The following PRKCZ variants were observed in gnomAD, a reference collection of about 807,000 sequenced individuals.
PRKCZ encodes protein kinase C zeta type.
PRKCZ carries 33 observed loss-of-function variants against 79.5 expected under a neutral mutation model. The observed-to-expected ratio is 0.41, with a 90% CI of 0.31 to 0.55. The LOEUF (loss-of-function observed/expected upper bound fraction) is 0.55, where lower values mean the gene tolerates loss of function less well. Among genes scored for constraint, PRKCZ ranks in the 20% least tolerant of loss-of-function variants. The probability of loss-of-function intolerance (pLI) is 0.19; values close to 1 mark genes in which losing one functional copy is unlikely to be tolerated. For missense variants in PRKCZ, 578 were observed against 813.5 expected (o/e 0.71, Z 3.52); for synonymous variants, 342 against 320.9 (o/e 1.07, Z -0.70).
intron 5 of PRKCZ, chr1:2,142,008 C>T (rs1223844319): frequency 2.3e-5 from 2 of 85,316 alleles, no homozygotes; most frequent in Non-Finnish European, 5.3e-5. Flanking sequence ...CGCCTCTTTT[C>T]ACTCCAGGGT....
chr1:2,099,434 A>G (rs1235215932), intron 4 of PRKCZ, among the ~76,000 whole-genome samples: 1 of 151,372 alleles, frequency 6.6e-6, no homozygotes, highest in Non-Finnish European at 1.5e-5. Context: ...CTCACTGTGC[A>G]GACCAATGAT....
intron 1 of PRKCZ, among the ~76,000 whole-genome samples, chr1:2,051,679 G>A (rs1659672914): frequency 6.6e-6 from 1 of 152,224 alleles, no homozygotes; most frequent in African/African-American, 2.4e-5. Flanking sequence ...GCAGGGTTAG[G>A]CGGGTGACAA....
At chr1:2,108,746 T>C (rs970103818) in intron 4 of PRKCZ, among the ~76,000 whole-genome samples, 5 of 152,314 alleles carry the variant, frequency 3.3e-5, no homozygotes, top group African/African-American at 9.6e-5. Context: ...CCGTCTTGCC[T>C]GGGCAGATGG....
chr1:2,138,373 G>T (rs1338281621), intron 5 of PRKCZ, among the ~76,000 whole-genome samples: 1 of 152,180 alleles, frequency 6.6e-6, no homozygotes, highest in African/African-American at 2.4e-5. Context: ...GAGAGAGCCA[G>T]CGAGGTTCTG....
chr1:2,158,078 C>CT (rs3835418), intron 10 of PRKCZ, among the ~76,000 whole-genome samples: 35,735 of 152,070 alleles, frequency 0.23, 4,804 homozygotes, highest in Admixed American at 0.33. Context: ...GCAGCCACCT[C>CT]TGTCTGTCGG....
rs1679395720 is a variant in PRKCZ at position 2,149,478 on chromosome 1, C to G, written c.687+554C>G. Among the ~76,000 whole-genome samples, 1 of 152,214 alleles carries G rather than the reference C, an allele frequency of 6.6e-6. No individual in the cohort carries two copies. The highest frequency in any genetic ancestry group is 1.5e-5 in the Non-Finnish European group (1 of 68,038). On this transcript the variant is annotated intron_variant, in intron 8 of 17. Coordinates refer to ENST00000378567, the MANE Select transcript of PRKCZ (RefSeq NM_002744.6). This position sits in a 1 kb window ranked among gnomAD's most constrained non-coding sequence, Gnocchi z 4.1. ...AAGGACTGCACTAGCGAAGCCCACT[C>G]CTTTCCAGAGCACCAACAAGTGTCA... is the stretch of plus-strand genomic sequence containing the variant.
intron 4 of PRKCZ, among the ~76,000 whole-genome samples, chr1:2,098,841 T>C (rs1331261891): frequency 1.3e-5 from 2 of 151,922 alleles, no homozygotes; most frequent in East Asian, 1.9e-4. Context: ...ACCACCACAG[T>C]TGGCTAATTT....
intron 1 of PRKCZ, chr1:2,051,101 G>C (rs1177075819): frequency 6.3e-6 from 1 of 159,918 alleles, no homozygotes; most frequent in African/African-American, 2.4e-5. Context: ...ACGTTTACCC[G>C]GTCGGGGGTC....
intron 4 of PRKCZ, among the ~76,000 whole-genome samples, chr1:2,076,881 C>T (rs184815332): frequency 1.6e-4 from 24 of 152,344 alleles, no homozygotes; most frequent in Admixed American, 1.2e-3. Context: ...AGCCCCTCCA[C>T]GCATCGGGGC....
chr1:2,130,153 GC>G, intron 4 of PRKCZ, among the ~76,000 whole-genome samples: 1 of 152,186 alleles, frequency 6.6e-6, no homozygotes, highest in Non-Finnish European at 1.5e-5. Flanking sequence ...TGATCCACCT[GC>G]CTCGACCTAC....
chr1:2,073,259 T>C (rs1661781491), intron 4 of PRKCZ, among the ~76,000 whole-genome samples: 1 of 152,192 alleles, frequency 6.6e-6, no homozygotes, highest in African/African-American at 2.4e-5. Flanking sequence ...GTGCCCACCG[T>C]CCCCACACAC....
At chr1:2,180,498 A>G (rs1429120051) in intron 16 of PRKCZ, among the ~76,000 whole-genome samples, 2 of 150,404 alleles carry the variant, frequency 1.3e-5, no homozygotes, top group African/African-American at 5.0e-5. Context: ...GACGACGCGG[A>G]CGCACAGATG....
rs772093601 is a variant in PRKCZ, at chr1:2,169,615, G to C, written c.1061+11G>C. ...TGAGGAGCACGCCAGGTGGGTGCGCGTGGACGGGGCCGGGTGGGTGCGCCC... is the reference window on the plus strand; with the variant it reads ...TGAGGAGCACGCCAGGTGGGTGCGCCTGGACGGGGCCGGGTGGGTGCGCCC... On this transcript the variant is annotated intron_variant, in intron 11 of 17. Transcript: ENST00000378567. 6.7e-7 allele frequency: 1 copy of C among 1,487,294 alleles called. No homozygotes were observed. The highest frequency in any genetic ancestry group is 1.3e-5 in the South Asian group (1 of 76,952). The allele number at this position is 1,487,294 out of a possible 1,614,324, so 92.1% of individuals were successfully genotyped here.
intron 4 of PRKCZ, among the ~76,000 whole-genome samples, chr1:2,085,923 C>T (rs1003230779): frequency 2.6e-5 from 4 of 152,190 alleles, no homozygotes; most frequent in African/African-American, 9.7e-5. Flanking sequence ...CTCTCTTTCT[C>T]TCGCTCCCTT....
chr1:2,129,129 G>A (rs1674486046), intron 4 of PRKCZ, among the ~76,000 whole-genome samples: 1 of 152,168 alleles, frequency 6.6e-6, no homozygotes, highest in African/African-American at 2.4e-5. Flanking sequence ...GCGTGTCCAG[G>A]CCCCTTACAC....
At chr1:2,087,633 G>GTATA (rs1664755292) in intron 4 of PRKCZ, among the ~76,000 whole-genome samples, 2 of 152,176 alleles carry the variant, frequency 1.3e-5, no homozygotes, top group Admixed American at 6.5e-5. Context: ...ACCGAGAGGA[G>GTATA]TATAGCAGGA....
chr1:2,181,769 A>C, intron 16 of PRKCZ: 2 of 454,240 alleles, frequency 4.4e-6, no homozygotes, highest in Admixed American at 4.7e-5. Context: ...CTTGTAAAGC[A>C]GCACAGGACT....
intron 5 of PRKCZ, 38 bp downstream of exon 5, chr1:2,135,385 T>C (rs1203269458): frequency 6.6e-7 from 1 of 1,524,066 alleles, no homozygotes; most frequent in Non-Finnish European, 9.0e-7. Context: ...TCAAGGGGCC[T>C]TTTGTTACTT....
chr1:2,174,049 C>A lies in PRKCZ; in HGVS notation c.1405+33C>A, dbSNP rs1684975381. On this transcript the variant is annotated intron_variant, in intron 14 of 17. Coordinates refer to ENST00000378567, the MANE Select transcript of PRKCZ (RefSeq NM_002744.6). This position sits in a 1 kb window ranked among gnomAD's most constrained non-coding sequence, Gnocchi z 6.2. Reference sequence around the variant, plus strand: ...CCCCGCTGTGCGTTCGTACCCCTCACCTGCACGACTGTCTTCCTTCCTTTT... The same window carrying A: ...CCCCGCTGTGCGTTCGTACCCCTCAACTGCACGACTGTCTTCCTTCCTTTT... 2 of 1,553,010 alleles carry A rather than the reference C, an allele frequency of 1.3e-6. No homozygotes were observed. The highest frequency in any genetic ancestry group is 8.7e-7 in the Non-Finnish European group (1 of 1,143,872).
Sources: allele counts gnomAD v4.1 joint callset (sites outside exome capture counted in the v4.1 genomes callset), GRCh38; gene constraint gnomAD v4.1.1; non-coding constraint Gnocchi (gnomAD v3.1); transcripts MANE v1.5; gene names NCBI Gene and HGNC (gene_info 2026-07-23, HGNC 2026-07-21).